The following ASIC2 variants were observed in gnomAD, a reference collection of about 807,000 sequenced individuals.
The protein encoded by ASIC2 is acid sensing ion channel subunit 2, also known as acid-sensing ion channel 2.
ASIC2 carries 25 observed loss-of-function variants against 57.3 expected under a neutral mutation model. The observed-to-expected ratio is 0.44, with a 90% CI of 0.32 to 0.61. ASIC2 has a LOEUF of 0.61. Ranked by LOEUF, ASIC2 falls within the 20% of genes least tolerant of loss-of-function variation. The probability of loss-of-function intolerance (pLI) is 0.06; values close to 1 mark genes in which losing one functional copy is unlikely to be tolerated. For missense variants in ASIC2, 641 were observed against 738.1 expected (o/e 0.87, Z 1.52); for synonymous variants, 319 against 307.5 (o/e 1.04, Z -0.39).
At chr17:33,757,445 G>A (rs1567707794) in intron 1 of ASIC2, among the ~76,000 whole-genome samples, 1 of 152,138 alleles carries the variant, frequency 6.6e-6, no homozygotes, top group Non-Finnish European at 1.5e-5. Context: ...CTCCCTGGCT[G>A]GATGTTAGAG....
At chr17:33,879,403 A>T (rs749045937) in intron 1 of ASIC2, among the ~76,000 whole-genome samples, 2 of 152,254 alleles carry the variant, frequency 1.3e-5, no homozygotes, top group Non-Finnish European at 2.9e-5. Context: ...AAATAAAGGG[A>T]TGGAGGAAGA....
chr17:33,029,661 G>A (rs35275473), intron 3 of ASIC2, among the ~76,000 whole-genome samples: 1 of 152,238 alleles, frequency 6.6e-6, no homozygotes, highest in South Asian at 2.1e-4. Context: ...CAGTGGAACA[G>A]CTGGTTTGTA....
At chr17:33,221,015 T>C (rs1251675986) in intron 1 of ASIC2, among the ~76,000 whole-genome samples, 1 of 152,090 alleles carries the variant, frequency 6.6e-6, no homozygotes, top group African/African-American at 2.4e-5. Context: ...AAGTTTGCAG[T>C]GAGCTGACTT....
chr17:33,107,601 T>C (rs2092240168), intron 2 of ASIC2, among the ~76,000 whole-genome samples: 1 of 152,188 alleles, frequency 6.6e-6, no homozygotes, highest in South Asian at 2.1e-4. Context: ...GGGGAGCACC[T>C]TGGTGTGGGG....
At chr17:33,268,991 G>T (rs1336911193) in intron 1 of ASIC2, among the ~76,000 whole-genome samples, 2 of 151,814 alleles carry the variant, frequency 1.3e-5, no homozygotes, top group African/African-American at 4.9e-5. Context: ...TACAGAAGGA[G>T]GGGGTTGGAT....
chr17:34,067,470 G>A (rs1909214392), intron 1 of ASIC2, among the ~76,000 whole-genome samples: 1 of 152,152 alleles, frequency 6.6e-6, no homozygotes, highest in Admixed American at 6.6e-5. Flanking sequence ...TAACAGGAGT[G>A]TGGAAAAGAG....
At chr17:33,363,913 T>G (rs938213745) in intron 1 of ASIC2, among the ~76,000 whole-genome samples, 8 of 152,230 alleles carry the variant, frequency 5.3e-5, no homozygotes, top group Non-Finnish European at 1.2e-4. Context: ...GGGTACCACC[T>G]GCAGCCAGCC....
chr17:33,733,490 G>C (rs79268776), intron 1 of ASIC2, among the ~76,000 whole-genome samples: 2 of 152,202 alleles, frequency 1.3e-5, no homozygotes, highest in African/African-American at 2.4e-5. Flanking sequence ...AGGAGACGGA[G>C]AGGGTGAGGG....
chr17:33,116,763 T>C (rs1021364385), intron 1 of ASIC2, among the ~76,000 whole-genome samples: 2 of 152,186 alleles, frequency 1.3e-5, no homozygotes, highest in African/African-American at 4.8e-5. Flanking sequence ...ACTTTCTCAA[T>C]GGCCCTTTGA....
chr17:33,700,955 G>A (rs969940988), intron 1 of ASIC2, among the ~76,000 whole-genome samples: 1 of 152,098 alleles, frequency 6.6e-6, no homozygotes, highest in Non-Finnish European at 1.5e-5. Flanking sequence ...GTAGAATTGG[G>A]GGAGCATTCT....
chr17:33,197,639 G>A (rs1906687538), intron 1 of ASIC2, among the ~76,000 whole-genome samples: 4 of 152,220 alleles, frequency 2.6e-5, no homozygotes, highest in Admixed American at 2.6e-4. Flanking sequence ...GATGTGGAGT[G>A]TCCAGGGGTT....
chr17:33,904,227 G>GCTA (rs1278252826), intron 1 of ASIC2, among the ~76,000 whole-genome samples: 1 of 147,338 alleles, frequency 6.8e-6, no homozygotes, highest in African/African-American at 2.5e-5. Context: ...GGAGAGCCTT[G>GCTA]CTACTCAAGT....
At chr17:34,007,850 C>T (rs1477562126) in intron 1 of ASIC2, among the ~76,000 whole-genome samples, 1 of 152,164 alleles carries the variant, frequency 6.6e-6, no homozygotes, top group Non-Finnish European at 1.5e-5. Flanking sequence ...TTTACAGTTG[C>T]CTAATGGTAA....
intron 1 of ASIC2, among the ~76,000 whole-genome samples, chr17:33,901,596 A>C (rs890930199): frequency 6.6e-6 from 1 of 152,180 alleles, no homozygotes; most frequent in African/African-American, 2.4e-5. Flanking sequence ...TCAGCTGGGA[A>C]AGCAGGTTTT....
intron 1 of ASIC2, among the ~76,000 whole-genome samples, chr17:34,127,719 C>G (rs758865031): frequency 8.5e-5 from 13 of 152,150 alleles, no homozygotes; most frequent in Admixed American, 7.2e-4. Flanking sequence ...GGGAGGAGTC[C>G]GATGCCACCT....
intron 1 of ASIC2, among the ~76,000 whole-genome samples, chr17:34,092,256 C>T (rs1321227749): frequency 1.3e-5 from 2 of 152,180 alleles, no homozygotes; most frequent in Non-Finnish European, 2.9e-5. Context: ...GGAACAGCCT[C>T]ATCAGTGGAC....
intron 1 of ASIC2, among the ~76,000 whole-genome samples, chr17:34,104,830 T>A (rs1262516890): frequency 1.4e-5 from 2 of 147,718 alleles, no homozygotes; most frequent in Non-Finnish European, 3.0e-5. Flanking sequence ...GTTATAATAT[T>A]CTTTTTATAT....
intron 1 of ASIC2, among the ~76,000 whole-genome samples, chr17:33,423,833 C>T (rs1279042023): frequency 6.6e-6 from 1 of 152,166 alleles, no homozygotes; most frequent in Non-Finnish European, 1.5e-5. Context: ...ATGTGGAAAA[C>T]CAGGCAGGGC....
chr17:33,209,065 G>A (rs1251820304), intron 1 of ASIC2, among the ~76,000 whole-genome samples: 2 of 152,148 alleles, frequency 1.3e-5, no homozygotes, highest in Non-Finnish European at 2.9e-5. Flanking sequence ...GGCAGGTTAT[G>A]TGAATGGCCC....
Sources: gnomAD v4.1 joint callset for allele counts (sites outside exome capture counted in the v4.1 genomes callset) on GRCh38, gnomAD v4.1.1 for gene constraint, MANE v1.5 for transcripts, NCBI Gene and HGNC (gene_info 2026-07-23, HGNC 2026-07-21) for gene names.